The following SNTG1 variants were observed in gnomAD, a reference collection of about 807,000 sequenced individuals.
SNTG1 encodes gamma-1-syntrophin.
Under a neutral mutation model 74.7 loss-of-function variants are expected in SNTG1, and 39 were observed. The observed-to-expected ratio is 0.52, with a 90% CI of 0.40 to 0.68. The LOEUF is 0.68. SNTG1 is among the 30% of genes least tolerant of loss of function. SNTG1 has a pLI of 0.00. For synonymous variants in SNTG1, 254 were observed against 217.1 expected, an observed-to-expected ratio of 1.17 and a Z score of -1.49; for missense variants, 685 against 609.5, an observed-to-expected ratio of 1.12 and a Z score of -1.30.
intron 12 of SNTG1, among the ~76,000 whole-genome samples, chr8:50,554,694 A>G (rs572609221): frequency 5.3e-5 from 8 of 152,212 alleles, no homozygotes; most frequent in African/African-American, 1.9e-4. Flanking sequence ...AAAACAAAGA[A>G]AAAAATAGAA....
At chr8:50,246,451 C>T (rs192703128) in intron 2 of SNTG1, among the ~76,000 whole-genome samples, 26 of 151,694 alleles carry the variant, frequency 1.7e-4, no homozygotes, top group African/African-American at 6.3e-4. Context: ...GGAATAGAAC[C>T]AAGTCAATCC....
chr8:50,795,381 A>G lies in SNTG1; in HGVS notation c.*2552A>G, dbSNP rs1177985234. ...ATTTGTTATAACTTGGACTACTTGA[A>G]TGAGAAAGCTTTGAAATGAACAAAA... On this transcript the variant is annotated 3_prime_UTR_variant, in exon 19 of 19. Transcript: ENST00000642720. 1 of 152,102 alleles carries G rather than the reference A, an allele frequency of 6.6e-6. No homozygotes were observed. Among genetic ancestry groups the G allele is most frequent in the Non-Finnish European group, 1.5e-5 (1 of 67,980 alleles). 9.4% of individuals were successfully genotyped at this position (152,102 alleles called of 1,614,324 possible). A position where few individuals can be genotyped will look rare whatever the true frequency, so the allele number is the denominator to read the frequency against.
intron 2 of SNTG1, among the ~76,000 whole-genome samples, chr8:50,191,289 ATTTTATCCTTT>A (rs2083564204): frequency 1.3e-5 from 2 of 152,132 alleles, no homozygotes; most frequent in South Asian, 2.1e-4. Context: ...TGTAACAGAT[ATTTTATCCTTT>A]TTTTGGTTCA....
At chr8:50,334,777 A>G (rs541923402) in intron 2 of SNTG1, among the ~76,000 whole-genome samples, 20 of 152,206 alleles carry the variant, frequency 1.3e-4, no homozygotes, top group Non-Finnish European at 2.1e-4. Flanking sequence ...ATTAAATGGG[A>G]TAATAGACTG....
At chr8:49,919,999 T>C (rs1806388449) in intron 1 of SNTG1, among the ~76,000 whole-genome samples, 1 of 152,112 alleles carries the variant, frequency 6.6e-6, no homozygotes, top group South Asian at 2.1e-4. Flanking sequence ...GTCCAATTCA[T>C]TAACTTCATA....
chr8:50,200,829 A>G (rs1444963934), intron 2 of SNTG1, among the ~76,000 whole-genome samples: 2 of 152,190 alleles, frequency 1.3e-5, no homozygotes, highest in East Asian at 3.9e-4. Flanking sequence ...GGCTAAAAAA[A>G]GTAAAACAAA....
intron 1 of SNTG1, among the ~76,000 whole-genome samples, chr8:49,974,631 G>A (rs1812020827): frequency 1.3e-5 from 2 of 152,066 alleles, no homozygotes; most frequent in Non-Finnish European, 2.9e-5. Flanking sequence ...TGTATAGGCT[G>A]TGTGACTTTG....
chr8:50,344,692 A>G (rs999221552), intron 2 of SNTG1, among the ~76,000 whole-genome samples: 3 of 152,188 alleles, frequency 2.0e-5, no homozygotes, highest in Admixed American at 6.6e-5. Flanking sequence ...GATCCAGCAC[A>G]GATGCAGGTG....
intron 1 of SNTG1, among the ~76,000 whole-genome samples, chr8:50,150,806 G>A (rs574128679): frequency 2.5e-4 from 38 of 152,094 alleles, no homozygotes; most frequent in Non-Finnish European, 4.9e-4. Context: ...TGCTGGATTC[G>A]GTTTGTCAGT....
At chr8:50,685,772 A>C (rs987990099) in intron 15 of SNTG1, among the ~76,000 whole-genome samples, 1 of 152,224 alleles carries the variant, frequency 6.6e-6, no homozygotes, top group Non-Finnish European at 1.5e-5. Flanking sequence ...CATACAGCAC[A>C]TGATCTCTAG....
chr8:50,245,936 C>T (rs540880266), intron 2 of SNTG1, among the ~76,000 whole-genome samples: 1 of 152,024 alleles, frequency 6.6e-6, no homozygotes, highest in African/African-American at 2.4e-5. Flanking sequence ...ATGCCTATCC[C>T]TTTTGTCCTC....
chr8:50,247,754 G>A (rs2086465862), intron 2 of SNTG1, among the ~76,000 whole-genome samples: 2 of 151,884 alleles, frequency 1.3e-5, no homozygotes, highest in Admixed American at 1.3e-4. Context: ...GAAGTCCTGG[G>A]CTTAAGTGAT....
At chr8:50,767,419 A>T (rs7341612) in intron 18 of SNTG1, among the ~76,000 whole-genome samples, 14,213 of 151,934 alleles carry the variant, frequency 0.094, 1,962 homozygotes, top group African/African-American at 0.3. Context: ...ATATAAGACT[A>T]ATGTCATAAT....
chr8:49,940,878 T>A (rs1219520671), intron 1 of SNTG1, among the ~76,000 whole-genome samples: 6 of 152,078 alleles, frequency 3.9e-5, no homozygotes, highest in African/African-American at 1.4e-4. Context: ...GTCTCAGGGG[T>A]CAGGAATGAC....
At chr8:50,692,018 C>T (rs1394137747) in intron 15 of SNTG1, among the ~76,000 whole-genome samples, 1 of 152,130 alleles carries the variant, frequency 6.6e-6, no homozygotes, top group Non-Finnish European at 1.5e-5. Flanking sequence ...ATCACTGATA[C>T]CCTTTCTTCC....
At chr8:50,722,341 A>G (rs771485318) in intron 17 of SNTG1, among the ~76,000 whole-genome samples, 1 of 151,646 alleles carries the variant, frequency 6.6e-6, no homozygotes, top group African/African-American at 2.4e-5. Context: ...CTCCCAGCTA[A>G]TTTTTGTATT....
At chr8:50,685,533 G>T (rs771864868) in intron 15 of SNTG1, among the ~76,000 whole-genome samples, 2 of 152,076 alleles carry the variant, frequency 1.3e-5, no homozygotes, top group Non-Finnish European at 2.9e-5. Flanking sequence ...TTCAATATTT[G>T]AACTTGTTTG....
intron 2 of SNTG1, among the ~76,000 whole-genome samples, chr8:50,269,022 G>A (rs2087633054): frequency 6.6e-6 from 1 of 152,098 alleles, no homozygotes; most frequent in Non-Finnish European, 1.5e-5. Context: ...TTCACCAAAT[G>A]ATATTTGAGC....
chr8:50,711,148 G>A (rs1361797950), intron 17 of SNTG1, among the ~76,000 whole-genome samples: 1 of 152,076 alleles, frequency 6.6e-6, no homozygotes, highest in Non-Finnish European at 1.5e-5. Flanking sequence ...ATCAGATGAG[G>A]CTGGAAGTTA....
Sources: allele counts gnomAD v4.1 joint callset (sites outside exome capture counted in the v4.1 genomes callset), GRCh38; gene constraint gnomAD v4.1.1; transcripts MANE v1.5; gene names NCBI Gene and HGNC (gene_info 2026-07-23, HGNC 2026-07-21).